Variants in IFITM5 observed in about 807,000 individuals in gnomAD.
IFITM5 encodes interferon-induced transmembrane protein 5.
IFITM5 carries 10 observed loss-of-function variants against 9.2 expected under a neutral mutation model. The ratio of observed to expected loss-of-function variants is 1.09; its 90% CI spans 0.67 to 1.85. The LOEUF (loss-of-function observed/expected upper bound fraction) is 1.85. Ranked by LOEUF, IFITM5 falls within the 40% of genes most tolerant of loss-of-function variation. The probability of loss-of-function intolerance (pLI) is 0.00; values close to 1 mark genes in which losing one functional copy is unlikely to be tolerated. For synonymous variants in IFITM5, 93 were observed against 86.6 expected (o/e 1.07, Z -0.41); for missense variants, 225 against 182.6 (o/e 1.23, Z -1.34).
chr11:299,317 G>A lies in IFITM5; in HGVS notation c.174C>T (p.Ala58=), dbSNP rs1590297356. 1 of 1,598,888 alleles carries A rather than the reference G, an allele frequency of 6.3e-7. No homozygotes were observed. Among genetic ancestry groups the A allele is most frequent in the Non-Finnish European group, 8.5e-7 (1 of 1,173,200 alleles). The part of the protein sequence containing the change: ...NLCCLGFLAL[A]YSIKARDQKV... Reference sequence around the variant, plus strand: ...GGCCCCTGCCCACCTTGATGGAGTAGGCCAGCGCCAGGAAGCCGAGGCAAC... The same window carrying A: ...GGCCCCTGCCCACCTTGATGGAGTAAGCCAGCGCCAGGAAGCCGAGGCAAC... Residue 58 remains alanine, a synonymous_variant, in exon 1 of 2, where the codon GCC becomes GCT. Transcript: ENST00000382614.
chr11:299,237 T>TC lies in IFITM5; in HGVS notation c.186+67dup, dbSNP rs201695988. 2,072 of 426,724 alleles carry TC rather than the reference T, an allele frequency of 4.9e-3. 29 individuals carry two copies. In the African/African-American group the frequency reaches 0.054, roughly 11 times the overall value. The allele number at this position is 426,724 out of a possible 1,614,324, so 26.4% of individuals were successfully genotyped here. On this transcript the variant is annotated intron_variant, in intron 1 of 1. Transcript: ENST00000382614. The stretch of plus-strand genomic sequence containing the variant: ...GACCCCCCACGGAGCTCCCCATCCC[T>TC]CCCCCTTCCCCCCACCTTGATGGAG...
chr11:298,672 C>G lies in IFITM5; in HGVS notation c.228G>C (p.Arg76=), dbSNP rs1160538798. 1.2e-5 allele frequency: 20 copies of G among 1,613,568 alleles called. No individual in the cohort carries two copies. The highest frequency in any genetic ancestry group is 1.6e-5 in the Non-Finnish European group (19 of 1,179,996). ...AGCACTTGGCTTTGGAGCCAAAACG[C>G]CGGGCCGCTTCCAGGTCACCAACCA... ...QKVVGDLEAA[R]RFGSKAKCYN... is the part of the protein sequence containing the mutation. Residue 76 remains arginine, a synonymous_variant, in exon 2 of 2, where the codon CGG becomes CGC. Transcript: ENST00000382614.
chr11:298,251 G>A lies in IFITM5; in HGVS notation c.*250C>T, dbSNP rs941581551. The A allele has an allele frequency of 2.0e-5, 11 of 554,940 alleles. No homozygotes were observed. In the African/African-American group the frequency reaches 2.1e-4, roughly 10 times the overall value. The allele number at this position is 554,940 out of a possible 1,614,324, so 34.4% of individuals were successfully genotyped here. ...TGGAACCGAGGGGCCTGGAGTGTGA[G>A]GAGGGAGGGGCAGGATCGGGGGCAG... On this transcript the variant is annotated 3_prime_UTR_variant, in exon 2 of 2. Transcript: ENST00000382614.
intron 1 of IFITM5, among the ~76,000 whole-genome samples, 165 bp from the exon 2 acceptor site, chr11:298,878 C>T (rs778596622): frequency 9.9e-5 from 15 of 152,252 alleles, no homozygotes; most frequent in Middle Eastern, 3.4e-3. Context: ...GCTATGGACC[C>T]GGGGGCCATC....
At chr11:299,124 A>T (rs1845899175) in intron 1 of IFITM5, among the ~76,000 whole-genome samples, 181 bp downstream of exon 1, 1 of 143,740 alleles carries the variant, frequency 7.0e-6, no homozygotes, top group African/African-American at 2.6e-5. Flanking sequence ...TGCCTTCGTG[A>T]GGAGCTCTTT....
Position 299,310 on chromosome 11 carries a change from T to C in IFITM5, c.181A>G (p.Ile61Val). ...CLGFLALAYS[I>V]KARDQKVVGD... ...TCGGTAGGGCCCCTGCCCACCTTGA[T>C]GGAGTAGGCCAGCGCCAGGAAGCCG... is the stretch of plus-strand genomic sequence containing the variant. Residue 61 changes from isoleucine to valine, a missense_variant, in exon 1 of 2, where the codon ATC becomes GTC. By Grantham distance (29) the Ile-to-Val change is conservative (BLOSUM62 3). Coordinates refer to ENST00000382614, the MANE Select transcript of IFITM5 (RefSeq NM_001025295.3). 1 of 1,591,968 alleles carries C rather than the reference T, an allele frequency of 6.3e-7. No individual in the cohort carries two copies. The highest frequency in any genetic ancestry group is 1.4e-5 in the African/African-American group (1 of 73,870).
rs200979830 is a variant in IFITM5, at chr11:298,499, T to G, written c.*2A>C. ...TAGTGCCCCAGATCAGGACCCAGCC[T>G]GTCAGTCATAGTCCGCGTCATCAAA... is the stretch of plus-strand genomic sequence containing the variant. On this transcript the variant is annotated 3_prime_UTR_variant, in exon 2 of 2. Transcript: ENST00000382614. 1.1e-4 allele frequency: 184 copies of G among 1,609,986 alleles called. No individual in the cohort carries two copies. In the East Asian group the frequency reaches 3.3e-3, roughly 29 times the overall value.
rs892795843 is a variant in IFITM5, at chr11:298,435, G to A, written c.*66C>T. The A allele has an allele frequency of 1.6e-5, 24 of 1,527,654 alleles. No homozygotes were observed. The highest frequency in any genetic ancestry group is 2.1e-5 in the Non-Finnish European group (24 of 1,126,178). 94.6% of individuals were successfully genotyped at this position (1,527,654 alleles called of 1,614,324 possible). On this transcript the variant is annotated 3_prime_UTR_variant, in exon 2 of 2. Transcript: ENST00000382614. ...GCCAGGCTCCGGGGAGTCAGTATTGGGCCCCAGGGGCAGCAGCCTGGGGTC... is the reference window on the plus strand; with the variant it reads ...GCCAGGCTCCGGGGAGTCAGTATTGAGCCCCAGGGGCAGCAGCCTGGGGTC...
rs754531975 is a variant in IFITM5 at position 299,479 on chromosome 11, C to T, written c.12G>A (p.Ala4=). 2.2e-5 allele frequency: 32 copies of T among 1,486,500 alleles called. No homozygotes were observed. The highest frequency in any genetic ancestry group is 2.4e-5 in the Admixed American group (1 of 41,694). 92.1% of individuals were successfully genotyped at this position (1,486,500 alleles called of 1,614,324 possible). A position where few individuals can be genotyped will look rare whatever the true frequency, so the allele number is the denominator to read the frequency against. ...GGGCCCGGGTGTCCTCGCGGGGATA[C>T]GCCGTGTCCATGGGTTCCAGCGCCG... MDT[A]YPREDTRAPT... The change falls in exon 1 of 2, where the codon GCG becomes GCA. Residue 4 remains alanine (A), a synonymous_variant. Coordinates refer to ENST00000382614, the MANE Select transcript of IFITM5 (RefSeq NM_001025295.3).
At position 299,303 on chromosome 11, in the gene IFITM5, A is replaced by G. The variant is rs746726570; in HGVS notation, c.186+2T>C. 5.2e-6 allele frequency: 8 copies of G among 1,530,282 alleles called. No individual in the cohort carries two copies. In the South Asian group the frequency reaches 8.1e-5, roughly 15 times the overall value. 94.8% of individuals were successfully genotyped at this position (1,530,282 alleles called of 1,614,324 possible). ...CGCAACCTCGGTAGGGCCCCTGCCC[A>G]CCTTGATGGAGTAGGCCAGCGCCAG... is the stretch of plus-strand genomic sequence containing the variant. On this transcript the variant is annotated splice_donor_variant, in intron 1 of 1. Coordinates refer to ENST00000382614, the MANE Select transcript of IFITM5 (RefSeq NM_001025295.3). LOFTEE classifies it high-confidence loss of function.
chr11:298,628 A>G lies in IFITM5; in HGVS notation c.272T>C (p.Met91Thr). Residue 91 changes from methionine (M) to threonine (T), a missense_variant, in exon 2 of 2, where the codon ATG becomes ACG. Coordinates refer to ENST00000382614, the MANE Select transcript of IFITM5 (RefSeq NM_001025295.3). ...CAGCAGTGGCGGCACCAGCGTCCAC[A>G]TCGCGGCCAGGATGTTGTAGCACTT... is the stretch of plus-strand genomic sequence containing the variant. ...KAKCYNILAA[M>T]WTLVPPLLLL... The G allele has an allele frequency of 2.5e-6, 4 of 1,613,588 alleles. No homozygotes were observed. The highest frequency in any genetic ancestry group is 3.4e-6 in the Non-Finnish European group (4 of 1,180,006).
chr11:298,734 A>C (rs1590296855), intron 1 of IFITM5, 21 bp from the exon 2 acceptor site: 26 of 1,608,184 alleles, frequency 1.6e-5, no homozygotes, highest in Non-Finnish European at 2.1e-5. Flanking sequence ...ACCAGACCAC[A>C]GGGCCAGATC....
chr11:299,244 TC>T (rs1164774494), intron 1 of IFITM5, 60 bp downstream of exon 1: 5 of 1,112,428 alleles, frequency 4.5e-6, no homozygotes, highest in Non-Finnish European at 5.0e-6. Flanking sequence ...CCCTCCCCCT[TC>T]CCCCCACCTT....
Position 298,499 on chromosome 11 carries a change from T to A in IFITM5, c.*2A>T. 1 of 1,609,986 alleles carries A rather than the reference T, an allele frequency of 6.2e-7. No individual in the cohort carries two copies. Among genetic ancestry groups the A allele is most frequent in the Non-Finnish European group, 8.5e-7 (1 of 1,179,418 alleles). On this transcript the variant is annotated 3_prime_UTR_variant, in exon 2 of 2. Transcript: ENST00000382614. ...TAGTGCCCCAGATCAGGACCCAGCC[T>A]GTCAGTCATAGTCCGCGTCATCAAA...
Position 298,612 on chromosome 11 carries a change from C to G in IFITM5, c.288G>C (p.Pro96=). 7.4e-6 allele frequency: 12 copies of G among 1,613,376 alleles called. No homozygotes were observed. The highest frequency in any genetic ancestry group is 1.0e-5 in the Non-Finnish European group (12 of 1,179,986). Residue 96 remains proline, a synonymous_variant, in exon 2 of 2, where the codon CCG becomes CCC. Coordinates refer to ENST00000382614, the MANE Select transcript of IFITM5 (RefSeq NM_001025295.3). ...NILAAMWTLV[P]PLLLLGLVVT... ...CCACCAGCCCCAGGAGCAGCAGTGGCGGCACCAGCGTCCACATCGCGGCCA... is the reference window on the plus strand; with the variant it reads ...CCACCAGCCCCAGGAGCAGCAGTGGGGGCACCAGCGTCCACATCGCGGCCA...
At position 298,850 on chromosome 11, in the gene IFITM5, A is replaced by AT. The variant is rs1845896013; in HGVS notation, c.187-138dup. On this transcript the variant is annotated intron_variant, in intron 1 of 1. Coordinates refer to ENST00000382614, the MANE Select transcript of IFITM5 (RefSeq NM_001025295.3). ...GGATGGAGGGGTGTGGCCTGAGGAG[A>AT]TACTCCTTGGGGCCCCAGCTATGGA... 18 of 862,610 alleles carry AT rather than the reference A, an allele frequency of 2.1e-5. No individual in the cohort carries two copies. In the East Asian group the frequency reaches 4.5e-4, roughly 22 times the overall value. The allele number at this position is 862,610 out of a possible 1,614,324, so 53.4% of individuals were successfully genotyped here. A position where few individuals can be genotyped will look rare whatever the true frequency, so the allele number is the denominator to read the frequency against.
chr11:299,469 C>T lies in IFITM5; in HGVS notation c.22G>A (p.Glu8Lys), dbSNP rs537904760. 1.2e-5 allele frequency: 18 copies of T among 1,500,038 alleles called. No homozygotes were observed. The highest frequency in any genetic ancestry group is 7.5e-5 in the East Asian group (3 of 39,880). 92.9% of individuals were successfully genotyped at this position (1,500,038 alleles called of 1,614,324 possible). A position where few individuals can be genotyped will look rare whatever the true frequency, so the allele number is the denominator to read the frequency against. MDTAYPREDTRAPTPSKA... is the reference protein window; with the variant it reads MDTAYPRKDTRAPTPSKA... ...CTGGGCGTGGGGGCCCGGGTGTCCT[C>T]GCGGGGATACGCCGTGTCCATGGGT... The change falls in exon 1 of 2, where the codon GAG (glutamate) becomes AAG (lysine). Residue 8 changes from glutamate to lysine, a missense_variant. Transcript: ENST00000382614.
chr11:299,213 A>C (rs1590297184), intron 1 of IFITM5, 92 bp downstream of exon 1: 7 of 649,864 alleles, frequency 1.1e-5, no homozygotes, highest in Non-Finnish European at 1.7e-5. Context: ...CACGGCAAGG[A>C]CCCCCCACGG....
rs2293743 is a variant in IFITM5 at position 298,224 on chromosome 11, C to G, written c.*277G>C. On this transcript the variant is annotated 3_prime_UTR_variant, in exon 2 of 2. Transcript: ENST00000382614. ...CTTTCTGGAACCAGGCACTTTTAATCGTGGAACCGAGGGGCCTGGAGTGTG... is the reference window on the plus strand; with the variant it reads ...CTTTCTGGAACCAGGCACTTTTAATGGTGGAACCGAGGGGCCTGGAGTGTG... The G allele has an allele frequency of 4.2e-6, 2 of 480,750 alleles. No homozygotes were observed. Among genetic ancestry groups the G allele is most frequent in the South Asian group, 5.3e-5 (2 of 37,816 alleles). The allele number at this position is 480,750 out of a possible 1,614,324, so 29.8% of individuals were successfully genotyped here.
Sources: gnomAD v4.1 joint callset for allele counts (sites outside exome capture counted in the v4.1 genomes callset) on GRCh38, gnomAD v4.1.1 for gene constraint, MANE v1.5 for transcripts, NCBI Gene and HGNC (gene_info 2026-07-23, HGNC 2026-07-21) for gene names.